The following CCDC200 variants were observed in gnomAD, a reference collection of about 807,000 sequenced individuals.
CCDC200 encodes the protein coiled-coil domain-containing protein 200.
chr17:43,222,108 C>T (rs2057537572), intron 3 of CCDC200, among the ~76,000 whole-genome samples: 1 of 151,784 alleles, frequency 6.6e-6, no homozygotes, highest in Admixed American at 6.6e-5. Flanking sequence ...AAAAAGGTTG[C>T]CATCCTGAGT....
chr17:43,225,553 C>T (rs2057561049), intron 1 of CCDC200, among the ~76,000 whole-genome samples: 1 of 143,762 alleles, frequency 7.0e-6, no homozygotes, highest in Non-Finnish European at 1.5e-5. Flanking sequence ...ATCCCAGCTA[C>T]TCAGGAGGCT....
At chr17:43,230,937 G>A (rs1555617207), upstream of CCDC200, among the ~76,000 whole-genome samples, 7 of 82,214 alleles carry the variant, frequency 8.5e-5, 1 homozygote, top group Admixed American at 1.6e-4. Flanking sequence ...GCCGAGATGC[G>A]CCACTGCACT....
At chr17:43,225,415 A>G (rs895697087) in intron 1 of CCDC200, among the ~76,000 whole-genome samples, 4 of 151,284 alleles carry the variant, frequency 2.6e-5, no homozygotes, top group Admixed American at 6.6e-5. Context: ...CTGTCATCCC[A>G]GCACTTTGGG....
chr17:43,221,898 C>A (rs1335795030), intron 3 of CCDC200, among the ~76,000 whole-genome samples: 1 of 151,974 alleles, frequency 6.6e-6, no homozygotes, highest in Non-Finnish European at 1.5e-5. Flanking sequence ...CTTTTGAGAC[C>A]AGCCTGGCCA....
intron 1 of CCDC200, among the ~76,000 whole-genome samples, chr17:43,226,774 CA>C (rs2057572460): frequency 6.6e-6 from 1 of 152,148 alleles, no homozygotes; most frequent in South Asian, 2.1e-4. Flanking sequence ...TCTTTGTTTT[CA>C]TACTAAGTCT....
chr17:43,225,680 G>GTATATATATATATATATA lies in CCDC200; in HGVS notation c.106-1132_106-1131insTATATATATATATATATA, dbSNP rs1176223204. Among the ~76,000 whole-genome samples, 85 of 16,652 alleles carry GTATATATATATATATATA rather than the reference G, an allele frequency of 5.1e-3. 28 individuals carry two copies. Among genetic ancestry groups the GTATATATATATATATATA allele is most frequent in the Middle Eastern group, 0.071 (1 of 14 alleles). 10.9% of individuals were successfully genotyped at this position (16,652 alleles called of 152,430 possible). A position where few individuals can be genotyped will look rare whatever the true frequency, so the allele number is the denominator to read the frequency against. ...TCCGTCTAAAAAAAAAAAAAAAAAA[G>GTATATATATATATATATA]TATATATATATATTGCATGCTACAT... is the stretch of plus-strand genomic sequence containing the variant. On this transcript the variant is annotated intron_variant, in intron 1 of 3. Coordinates refer to ENST00000636331, the MANE Select transcript of CCDC200 (RefSeq NM_001363254.2).
intron 1 of CCDC200, among the ~76,000 whole-genome samples, chr17:43,225,479 A>G (rs1413969370): frequency 1.3e-5 from 2 of 149,426 alleles, no homozygotes; most frequent in Admixed American, 6.8e-5. Flanking sequence ...CCTGACCAAC[A>G]TGGTGAAACC....
At chr17:43,223,459 T>TACACACACACACACACACACACCCAC (rs68102743) in intron 3 of CCDC200, 97 bp downstream of exon 3, 1 of 136,312 alleles carries the variant, frequency 7.3e-6, no homozygotes, top group Non-Finnish European at 1.6e-5. Context: ...TTCTCTGGAC[T>TACACACACACACACACACACACCCAC]ACACACACAC....
At chr17:43,227,759 A>G (rs557086846) in intron 1 of CCDC200, among the ~76,000 whole-genome samples, 16 of 151,734 alleles carry the variant, frequency 1.1e-4, no homozygotes, top group African/African-American at 3.9e-4. Flanking sequence ...GTGCTGGATT[A>G]CAGGTGTGAG....
chr17:43,222,217 G>A (rs915839015), intron 3 of CCDC200, among the ~76,000 whole-genome samples: 3 of 152,144 alleles, frequency 2.0e-5, no homozygotes, highest in African/African-American at 7.2e-5. Context: ...CCAGGCTGGA[G>A]TGCAGTGGTG....
intron 3 of CCDC200, 115 bp downstream of exon 3, chr17:43,223,441 A>T (rs1000376047): frequency 5.6e-5 from 5 of 89,172 alleles, no homozygotes; most frequent in Non-Finnish European, 1.0e-4. Context: ...TACTCCTGCT[A>T]AGGAGGTTTC....
intron 3 of CCDC200, among the ~76,000 whole-genome samples, chr17:43,222,313 G>A (rs771214524): frequency 2.6e-5 from 4 of 151,470 alleles, no homozygotes; most frequent in Admixed American, 6.6e-5. Flanking sequence ...CTACAGATGC[G>A]CCCTACCACA....
intron 1 of CCDC200, among the ~76,000 whole-genome samples, chr17:43,228,166 C>T: frequency 1.1e-5 from 1 of 90,144 alleles, no homozygotes; most frequent in Middle Eastern, 4.1e-3. Flanking sequence ...ATATAGCATA[C>T]AGGCTGGGGG....
intron 3 of CCDC200, among the ~76,000 whole-genome samples, chr17:43,222,760 GT>G (rs372125809): frequency 0.35 from 43,327 of 122,236 alleles, 6,881 homozygotes; most frequent in South Asian, 0.53. Context: ...AGCTAGTTTT[GT>G]TTTTTTTTTT....
intron 3 of CCDC200, among the ~76,000 whole-genome samples, chr17:43,221,808 T>C (rs2057535476): frequency 6.6e-6 from 1 of 152,132 alleles, no homozygotes; most frequent in Non-Finnish European, 1.5e-5. Flanking sequence ...TATATATTCT[T>C]GTTAAGAGTT....
At chr17:43,225,698 TG>T (rs2057564241) in intron 1 of CCDC200, among the ~76,000 whole-genome samples, 1 of 26,962 alleles carries the variant, frequency 3.7e-5, no homozygotes, top group Non-Finnish European at 3.6e-4. Flanking sequence ...ATATATTGCA[TG>T]CTACATGTGT....
chr17:43,227,380 T>C (rs1299985704), intron 1 of CCDC200, among the ~76,000 whole-genome samples: 2 of 152,194 alleles, frequency 1.3e-5, no homozygotes, highest in African/African-American at 4.8e-5. Flanking sequence ...CTTGTCAACA[T>C]TTTGGGAGGC....
chr17:43,230,953 C>A (rs1414784459), upstream of CCDC200, among the ~76,000 whole-genome samples: 5 of 79,846 alleles, frequency 6.3e-5, 2 homozygotes, highest in East Asian at 2.3e-3. Context: ...GCACTCCAGC[C>A]TCAGCGACAG....
chr17:43,225,561 G>A (rs1435791845), intron 1 of CCDC200, among the ~76,000 whole-genome samples: 1 of 143,298 alleles, frequency 7.0e-6, no homozygotes, highest in Non-Finnish European at 1.5e-5. Flanking sequence ...TACTCAGGAG[G>A]CTGAGGCAGG....
Sources: allele counts gnomAD v4.1 joint callset (sites outside exome capture counted in the v4.1 genomes callset), GRCh38; gene constraint gnomAD v4.1.1; transcripts MANE v1.5; gene names NCBI Gene and HGNC (gene_info 2026-07-23, HGNC 2026-07-21).